The following LHFPL1 variants were observed in gnomAD, a reference collection of about 807,000 sequenced individuals.
The protein encoded by LHFPL1 is LHFPL tetraspan subfamily member 1, also known as LHFPL tetraspan subfamily member 1 protein.
A neutral mutation model predicts 12.1 loss-of-function variants in LHFPL1; 4 were observed. The observed-to-expected ratio is 0.33, with a 90% confidence interval of 0.16 to 0.76. The LOEUF (loss-of-function observed/expected upper bound fraction) is 0.76, where lower values mean the gene tolerates loss of function less well. LHFPL1 is among the 30% of genes least tolerant of loss of function. The pLI is 0.61. For synonymous variants in LHFPL1, 52 were observed against 61.9 expected, an observed-to-expected ratio of 0.84 and a Z score of 0.75; for missense variants, 141 against 174.1, an observed-to-expected ratio of 0.81 and a Z score of 1.07.
intron 3 of LHFPL1, among the ~76,000 whole-genome samples, chrX:112,636,873 G>A (rs1427443205): frequency 1.8e-5 from 2 of 111,823 alleles, no homozygotes; most frequent in Admixed American, 9.5e-5. Flanking sequence ...CTACTTCCAC[G>A]CTAGAATTGT....
At chrX:112,677,495 A>C (rs1931683610) in intron 1 of LHFPL1, among the ~76,000 whole-genome samples, 1 of 110,587 alleles carries the variant, frequency 9.0e-6, no homozygotes, top group African/African-American at 3.3e-5. Flanking sequence ...TCTTACTCAG[A>C]GTTGAGACTT....
chrX:112,675,597 C>T (rs1459946691), intron 1 of LHFPL1, among the ~76,000 whole-genome samples: 1 of 112,287 alleles, frequency 8.9e-6, no homozygotes, highest in Non-Finnish European at 1.9e-5. Context: ...GTACTTTCAA[C>T]TTTAGGAAAA....
intron 1 of LHFPL1, among the ~76,000 whole-genome samples, chrX:112,675,485 C>A (rs139265009): frequency 2.9e-4 from 32 of 111,736 alleles, no homozygotes; most frequent in African/African-American, 9.1e-4. Context: ...TTAAAAGCGA[C>A]GTTTTGAAGC....
At chrX:112,666,971 A>G (rs748630326) in intron 2 of LHFPL1, among the ~76,000 whole-genome samples, 5 of 112,313 alleles carry the variant, frequency 4.5e-5, no homozygotes, top group Non-Finnish European at 9.4e-5. Context: ...AATTTGCTAC[A>G]TAAGTCTTTG....
intron 3 of LHFPL1, among the ~76,000 whole-genome samples, chrX:112,643,393 AAAAAAAG>A: frequency 9.2e-6 from 1 of 109,109 alleles, no homozygotes; most frequent in African/African-American, 3.3e-5. Context: ...AAAAAAAAAA[AAAAAAAG>A]AAAAAGAGGT....
intron 3 of LHFPL1, among the ~76,000 whole-genome samples, chrX:112,634,257 A>C (rs1319060670): frequency 9.0e-6 from 1 of 111,151 alleles, no homozygotes. Context: ...CATCACACCC[A>C]AAAGCATTTT....
intron 1 of LHFPL1, among the ~76,000 whole-genome samples, chrX:112,674,493 G>C (rs1188469448): frequency 2.7e-5 from 3 of 111,081 alleles, no homozygotes; most frequent in African/African-American, 9.8e-5. Context: ...ACAGTCAGCA[G>C]AGTAAGCAGA....
chrX:112,645,873 C>T (rs1930670537), intron 3 of LHFPL1, among the ~76,000 whole-genome samples: 1 of 111,515 alleles, frequency 9.0e-6, no homozygotes, highest in African/African-American at 3.3e-5. Context: ...GAGCCTTTAC[C>T]TGTTTTCTCC....
chrX:112,670,034 C>A (rs1931452594), intron 2 of LHFPL1, among the ~76,000 whole-genome samples: 1 of 111,676 alleles, frequency 9.0e-6, no homozygotes, highest in African/African-American at 3.3e-5. Context: ...GGTCACAGAG[C>A]AACTTGGTGA....
intron 3 of LHFPL1, among the ~76,000 whole-genome samples, chrX:112,656,097 G>C (rs1394434950): frequency 9.0e-6 from 1 of 111,380 alleles, no homozygotes; most frequent in Non-Finnish European, 1.9e-5. Context: ...AATAAATATA[G>C]ATGCAAAAGC....
intron 1 of LHFPL1, among the ~76,000 whole-genome samples, chrX:112,677,249 G>A (rs1931677293): frequency 1.8e-5 from 2 of 111,594 alleles, no homozygotes; most frequent in Admixed American, 1.9e-4. Flanking sequence ...CCCAGGGTAA[G>A]AGGGTACAGG....
intron 3 of LHFPL1, among the ~76,000 whole-genome samples, chrX:112,638,170 GT>G (rs1930397994): frequency 8.9e-6 from 1 of 111,935 alleles, no homozygotes; most frequent in Non-Finnish European, 1.9e-5. Flanking sequence ...ATTAGCATTT[GT>G]TTTTTCGTCT....
intron 3 of LHFPL1, among the ~76,000 whole-genome samples, chrX:112,659,153 CT>C (rs1429675589): frequency 1.8e-5 from 2 of 111,507 alleles, no homozygotes; most frequent in African/African-American, 3.3e-5. Flanking sequence ...TAAGAGGTTT[CT>C]TTTTGGGCTG....
Position 112,632,793 on chromosome X carries a change from T to G in LHFPL1, c.482-1192A>C, listed in dbSNP as rs142192867. Among the ~76,000 whole-genome samples, 226 of 112,119 alleles carry G rather than the reference T, an allele frequency of 2.0e-3. 6 individuals carry two copies. In the East Asian group the frequency reaches 0.052, roughly 26 times the overall value. The stretch of plus-strand genomic sequence containing the variant: ...GAAAGAGTCTAAGATGGGCCCAAGC[T>G]TGGCTGCTTCGCTTTCCCATTCAGG... On this transcript the variant is annotated intron_variant, in intron 3 of 3. Coordinates refer to ENST00000371968, the MANE Select transcript of LHFPL1 (RefSeq NM_178175.4).
chrX:112,668,545 C>T (rs1006719946), intron 2 of LHFPL1, among the ~76,000 whole-genome samples: 3 of 112,817 alleles, frequency 2.7e-5, no homozygotes, highest in Non-Finnish European at 5.6e-5. Flanking sequence ...GCTTTAAAGA[C>T]CCTCATCTAC....
At chrX:112,663,940 G>A (rs1254543338) in intron 2 of LHFPL1, among the ~76,000 whole-genome samples, 1 of 111,949 alleles carries the variant, frequency 8.9e-6, no homozygotes. Flanking sequence ...TGTAAAATCA[G>A]AGTAATAATA....
chrX:112,672,415 A>G (rs1166836707), intron 1 of LHFPL1, among the ~76,000 whole-genome samples: 4 of 111,355 alleles, frequency 3.6e-5, no homozygotes, highest in Non-Finnish European at 7.5e-5. Context: ...TCAAAAATCA[A>G]CCACTTTCCT....
intron 2 of LHFPL1, among the ~76,000 whole-genome samples, chrX:112,662,439 G>A (rs925983058): frequency 2.7e-5 from 3 of 111,946 alleles, no homozygotes; most frequent in South Asian, 7.5e-4. Context: ...AATCCTTTAG[G>A]AAGATCTCAA....
chrX:112,631,851 C>T (rs764084358), intron 3 of LHFPL1, among the ~76,000 whole-genome samples: 2 of 111,344 alleles, frequency 1.8e-5, no homozygotes, highest in South Asian at 7.6e-4. Context: ...GAGTAGGAGC[C>T]TGGGGGTGGT....
Sources: gnomAD v4.1 joint callset for allele counts (sites outside exome capture counted in the v4.1 genomes callset) on GRCh38, gnomAD v4.1.1 for gene constraint, MANE v1.5 for transcripts, NCBI Gene and HGNC (gene_info 2026-07-23, HGNC 2026-07-21) for gene names.